Variants in KLRG2 observed in about 807,000 individuals in gnomAD.
KLRG2 encodes the protein killer cell lectin like receptor G2.
KLRG2 carries 39 observed loss-of-function variants against 35.4 expected under a neutral mutation model. The ratio of observed to expected loss-of-function variants is 1.10; its 90% CI spans 0.85 to 1.44. KLRG2 has a LOEUF of 1.44. Ranked by LOEUF, KLRG2 falls within the 40% of genes most tolerant of loss-of-function variation. The pLI, the probability that KLRG2 is intolerant of heterozygous loss-of-function variation, is 0.00. For synonymous variants in KLRG2, 283 were observed against 265.8 expected (o/e 1.06, Z -0.63); for missense variants, 632 against 570.9 (o/e 1.11, Z -1.09).
intron 3 of KLRG2, among the ~76,000 whole-genome samples, chr7:139,465,509 G>A (rs1257010048): frequency 1.3e-5 from 2 of 152,038 alleles, no homozygotes; most frequent in Non-Finnish European, 2.9e-5. Flanking sequence ...TGGCTAACAC[G>A]GTGAAACCCC....
the KLRG2 span, among the ~76,000 whole-genome samples, chr7:139,446,340 T>G: frequency 8.1e-6 from 1 of 122,754 alleles, no homozygotes; most frequent in Non-Finnish European, 1.6e-5. Context: ...TCCAGGGTTT[T>G]TTTTTTTTTT....
At chr7:139,433,881 C>T in the KLRG2 span, among the ~76,000 whole-genome samples, 5 of 152,168 alleles carry the variant, frequency 3.3e-5, no homozygotes, top group Non-Finnish European at 7.4e-5. Flanking sequence ...AAGTGATCCC[C>T]CGCCTCGGCC....
chr7:139,479,051 C>A (rs973384072), intron 3 of KLRG2, among the ~76,000 whole-genome samples: 2 of 151,936 alleles, frequency 1.3e-5, no homozygotes, highest in Non-Finnish European at 2.9e-5. Flanking sequence ...ATCGTGAGAC[C>A]CTGTCCCTTA....
At chr7:139,476,971 T>C (rs1796861381) in intron 3 of KLRG2, among the ~76,000 whole-genome samples, 1 of 152,176 alleles carries the variant, frequency 6.6e-6, no homozygotes, top group Admixed American at 6.5e-5. Flanking sequence ...TTCTGGCTCA[T>C]TATTGAATCC....
At chr7:139,467,061 T>G (rs941229899) in intron 3 of KLRG2, among the ~76,000 whole-genome samples, 4 of 152,156 alleles carry the variant, frequency 2.6e-5, no homozygotes, top group African/African-American at 7.2e-5. Flanking sequence ...AAACATTCTA[T>G]GGGACAAATA....
chr7:139,453,830 G>T, intron 4 of KLRG2, 123 bp from the exon 5 acceptor site: 2 of 1,137,920 alleles, frequency 1.8e-6, no homozygotes, highest in Non-Finnish European at 2.5e-6. Context: ...GTGAGTCACT[G>T]CACTGGTCAG....
downstream of KLRG2, among the ~76,000 whole-genome samples, chr7:139,451,589 C>T (rs541088265): frequency 4.6e-4 from 70 of 152,218 alleles, no homozygotes; most frequent in Middle Eastern, 3.4e-3. Context: ...CTCCTTTCTC[C>T]CTCACTCCAC....
chr7:139,443,610 G>A, the KLRG2 span, among the ~76,000 whole-genome samples: 1 of 151,974 alleles, frequency 6.6e-6, no homozygotes, highest in Non-Finnish European at 1.5e-5. Flanking sequence ...TGCCCAGGCT[G>A]GAGTGCAATG....
rs1569418474 is a variant in KLRG2 at position 139,483,547 on chromosome 7, C to CG, written c.95dup (p.Gln33AlafsTer10). The CG allele has an allele frequency of 5.6e-6, 9 of 1,598,844 alleles. 1 individual carries two copies. In the Middle Eastern group the frequency reaches 5.0e-4, roughly 89 times the overall value. ...GTTGTCGCACCTTCGCGGGCACCTGCGGCTGCTCCAGCGTGGGGACCAGGC... is the reference window on the plus strand; with the variant it reads ...GTTGTCGCACCTTCGCGGGCACCTGCGGGCTGCTCCAGCGTGGGGACCAGGC... On this transcript the variant is annotated frameshift_variant, in exon 1 of 5. Transcript: ENST00000340940. LOFTEE classifies it high-confidence loss of function.
At chr7:139,434,298 C>G in the KLRG2 span, among the ~76,000 whole-genome samples, 1 of 152,330 alleles carries the variant, frequency 6.6e-6, no homozygotes, top group East Asian at 1.9e-4. Context: ...CACCCTTTGC[C>G]TGGTCATAAT....
downstream of KLRG2, among the ~76,000 whole-genome samples, chr7:139,451,980 T>TG (rs1320145936): frequency 7.3e-5 from 11 of 150,100 alleles, no homozygotes; most frequent in Admixed American, 6.0e-4. Context: ...TTTTTTTTTT[T>TG]TTTTTTGAGA....
At chr7:139,454,434 C>T (rs557865885) in intron 3 of KLRG2, among the ~76,000 whole-genome samples, 4 of 152,242 alleles carry the variant, frequency 2.6e-5, no homozygotes, top group Non-Finnish European at 4.4e-5. Context: ...AGGGTGACCC[C>T]GTCTCAGCCA....
At chr7:139,444,543 C>A in the KLRG2 span, among the ~76,000 whole-genome samples, 97 of 152,292 alleles carry the variant, frequency 6.4e-4, no homozygotes, top group African/African-American at 2.0e-3. Context: ...CACTAAAGAG[C>A]TTGCTCCTTC....
chr7:139,482,931 C>A lies in KLRG2; in HGVS notation c.712G>T (p.Gly238Trp), dbSNP rs756534491. The A allele has an allele frequency of 1.3e-6, 2 of 1,494,116 alleles. No individual in the cohort carries two copies. Among genetic ancestry groups the A allele is most frequent in the Non-Finnish European group, 1.8e-6 (2 of 1,132,476 alleles). The allele number at this position is 1,494,116 out of a possible 1,614,324, so 92.6% of individuals were successfully genotyped here. Residue 238 changes from glycine to tryptophan, a missense_variant, in exon 1 of 5, where the codon GGG becomes TGG. Gly to Trp is a radical substitution (Grantham distance 184, BLOSUM62 -2). Coordinates refer to ENST00000340940, the MANE Select transcript of KLRG2 (RefSeq NM_198508.4). ...KEDAALLPRA[G>W]LDGDEKLPRA... is the part of the protein sequence containing the mutation. Reference sequence around the variant, plus strand: ...GGCAGCTTCTCGTCGCCGTCCAACCCCGCGCGGGGCAACAGCGCCGCATCC... The same window carrying A: ...GGCAGCTTCTCGTCGCCGTCCAACCACGCGCGGGGCAACAGCGCCGCATCC...
chr7:139,463,872 T>A (rs1480487570), intron 3 of KLRG2, among the ~76,000 whole-genome samples: 1 of 152,190 alleles, frequency 6.6e-6, no homozygotes, highest in Non-Finnish European at 1.5e-5. Flanking sequence ...ATACTGAGGC[T>A]ACCCACTCCA....
At chr7:139,468,806 C>T (rs1569413741) in intron 3 of KLRG2, among the ~76,000 whole-genome samples, 1 of 152,210 alleles carries the variant, frequency 6.6e-6, no homozygotes, top group Non-Finnish European at 1.5e-5. Context: ...CCCCCAGTAC[C>T]TCAAAATGTG....
chr7:139,463,016 C>T (rs942501040), intron 3 of KLRG2, among the ~76,000 whole-genome samples: 1 of 152,172 alleles, frequency 6.6e-6, no homozygotes, highest in Non-Finnish European at 1.5e-5. Context: ...TCCTCACACC[C>T]GACGCGGCTT....
the KLRG2 span, among the ~76,000 whole-genome samples, chr7:139,445,995 C>T: frequency 1.3e-5 from 2 of 151,478 alleles, no homozygotes; most frequent in Non-Finnish European, 2.9e-5. Flanking sequence ...CCACACCCGG[C>T]TAATGTTTTG....
chr7:139,482,728 G>C (rs1796981470), intron 1 of KLRG2, among the ~76,000 whole-genome samples, 158 bp downstream of exon 1: 1 of 152,292 alleles, frequency 6.6e-6, no homozygotes, highest in East Asian at 1.9e-4. Context: ...GTTATTGATT[G>C]TAAGCCCGAG....
Sources: gnomAD v4.1 joint callset for allele counts (sites outside exome capture counted in the v4.1 genomes callset) on GRCh38, gnomAD v4.1.1 for gene constraint, MANE v1.5 for transcripts, NCBI Gene and HGNC (gene_info 2026-07-23, HGNC 2026-07-21) for gene names.